Variants in CCNH observed in about 807,000 individuals in gnomAD.
The protein encoded by CCNH is cyclin H.
In CCNH, 31 loss-of-function variants were observed where a neutral mutation model predicts 41.9. That is an observed-to-expected ratio of 0.74 (90% CI 0.56 to 1.00). The LOEUF (loss-of-function observed/expected upper bound fraction) is 1.00, where lower values mean the gene tolerates loss of function less well. Ranked by LOEUF, CCNH falls within the 50% of genes least tolerant of loss-of-function variation. The probability of loss-of-function intolerance (pLI) is 0.00; values close to 1 mark genes in which losing one functional copy is unlikely to be tolerated. For missense variants in CCNH, 362 were observed against 388.4 expected, an observed-to-expected ratio of 0.93 and a Z score of 0.57; for synonymous variants, 138 against 136.1, an observed-to-expected ratio of 1.01 and a Z score of -0.10.
chr5:87,355,960 A>C (rs940118621), intron 9 of CCNH, among the ~76,000 whole-genome samples: 1 of 152,098 alleles, frequency 6.6e-6, no homozygotes, highest in Non-Finnish European at 1.5e-5. Flanking sequence ...TGACTGAATT[A>C]CTCCACTTTT....
chr5:87,389,735 CTCT>C (rs1360967209), downstream of CCNH, among the ~76,000 whole-genome samples: 2 of 152,174 alleles, frequency 1.3e-5, no homozygotes, highest in Non-Finnish European at 2.9e-5. Flanking sequence ...TCAGGTTTTG[CTCT>C]TGAGTCTGAA....
At chr5:87,383,441 G>A (rs1761863603) in intron 9 of CCNH, among the ~76,000 whole-genome samples, 1 of 152,090 alleles carries the variant, frequency 6.6e-6, no homozygotes, top group Non-Finnish European at 1.5e-5. Flanking sequence ...AAATACTACA[G>A]ATAAACAACA....
At chr5:87,370,614 C>A (rs1580372242) in intron 9 of CCNH, among the ~76,000 whole-genome samples, 1 of 152,162 alleles carries the variant, frequency 6.6e-6, no homozygotes. Flanking sequence ...TGAGTAAGAT[C>A]GAGACACTGT....
downstream of CCNH, chr5:87,390,764 T>A: frequency 6.4e-7 from 1 of 1,556,770 alleles, no homozygotes. Context: ...CTGACCGAGC[T>A]TTCATTTATT....
intron 9 of CCNH, among the ~76,000 whole-genome samples, chr5:87,366,108 AT>A (rs1760493911): frequency 6.6e-6 from 1 of 152,172 alleles, no homozygotes; most frequent in East Asian, 1.9e-4. Context: ...CATTTTGCAG[AT>A]TTACTGAAGA....
chr5:87,348,823 T>C (rs990244204), intron 9 of CCNH, among the ~76,000 whole-genome samples: 5 of 152,096 alleles, frequency 3.3e-5, no homozygotes, highest in African/African-American at 1.2e-4. Context: ...TTAAGCAAAC[T>C]GGTCTTCACT....
chr5:87,409,262 A>C (rs758939578), intron 3 of CCNH, 28 bp downstream of exon 3: 1 of 1,278,080 alleles, frequency 7.8e-7, no homozygotes, highest in Non-Finnish European at 1.1e-6. Context: ...TCTTAAATGA[A>C]AACAATATAT....
At chr5:87,361,731 A>G (rs1760109124) in intron 9 of CCNH, among the ~76,000 whole-genome samples, 1 of 152,184 alleles carries the variant, frequency 6.6e-6, no homozygotes, top group South Asian at 2.1e-4. Context: ...AAATTAGGCA[A>G]TCAAAACCAC....
chr5:87,340,406 A>G (rs1758348918), intron 9 of CCNH, among the ~76,000 whole-genome samples: 1 of 151,904 alleles, frequency 6.6e-6, no homozygotes, highest in South Asian at 2.1e-4. Flanking sequence ...TGATAATGCT[A>G]TTCATTTTTA....
chr5:87,373,913 T>C (rs1387359651), downstream of CCNH, among the ~76,000 whole-genome samples: 1 of 151,992 alleles, frequency 6.6e-6, no homozygotes, highest in Non-Finnish European at 1.5e-5. Flanking sequence ...TCCAGGAATA[T>C]ACTGGGAGAA....
rs115449312 is a variant in CCNH at position 87,399,393 on chromosome 5, C to T, written c.872+1G>A. On this transcript the variant is annotated splice_donor_variant, in intron 7 of 8. Transcript: ENST00000256897. LOFTEE classifies it high-confidence loss of function. The stretch of plus-strand genomic sequence containing the variant: ...TGATTAACACTGTCACATTAACTTA[C>T]GTGATTACGTTAAGTGCAAGCTCAG... The T allele has an allele frequency of 4.6e-5, 73 of 1,597,298 alleles. No homozygotes were observed. In the African/African-American group the frequency reaches 7.4e-4, roughly 16 times the overall value.
chr5:87,372,347 A>T, downstream of CCNH: 3 of 690,190 alleles, frequency 4.3e-6, no homozygotes, highest in Non-Finnish European at 7.6e-6. Flanking sequence ...TTACTTCTTT[A>T]TGAAAGAGAA....
rs778714787 is a variant in CCNH, at chr5:87,408,049, A to G, written c.452T>C (p.Ile151Thr). The change falls in exon 4 of 9, where the codon ATA becomes ACA. Residue 151 changes from isoleucine to threonine, a missense_variant. Ile to Thr is a moderately conservative substitution (Grantham distance 89, BLOSUM62 -1). Transcript: ENST00000256897. ...EQILEYELLL[I>T]QQLNFHLIVH... ...AATAAGGTGGAAATTAAGTTGCTGT[A>G]TAAGAAGTAGTTCATATTCCAGTAT... 4.3e-6 allele frequency: 7 copies of G among 1,613,846 alleles called. No homozygotes were observed. The highest frequency in any genetic ancestry group is 2.2e-5 in the East Asian group (1 of 44,880).
At chr5:87,381,236 G>A (rs1761694497), upstream of CCNH, among the ~76,000 whole-genome samples, 1 of 152,164 alleles carries the variant, frequency 6.6e-6, no homozygotes, top group Non-Finnish European at 1.5e-5. Context: ...GTCTGGAGAG[G>A]TTAAGTTGAA....
downstream of CCNH, chr5:87,393,935 G>A (rs1399939591): frequency 1.3e-5 from 2 of 151,958 alleles, no homozygotes; most frequent in Admixed American, 6.6e-5. Flanking sequence ...AAATGTTTTC[G>A]GGTAACTAAA....
intron 3 of CCNH, 64 bp from the exon 4 acceptor site, chr5:87,408,250 T>A: frequency 2.7e-6 from 2 of 739,874 alleles, no homozygotes; most frequent in Non-Finnish European, 4.4e-6. Context: ...ATGCATATAC[T>A]TTGAGAAGTA....
At chr5:87,327,998 A>C (rs893612238) in intron 9 of CCNH, among the ~76,000 whole-genome samples, 1 of 151,604 alleles carries the variant, frequency 6.6e-6, no homozygotes, top group Non-Finnish European at 1.5e-5. Flanking sequence ...AGAACTTCCT[A>C]TGTGGACGTT....
chr5:87,398,962 G>T (rs1254505822), intron 7 of CCNH, among the ~76,000 whole-genome samples: 6 of 149,386 alleles, frequency 4.0e-5, no homozygotes, highest in Non-Finnish European at 5.9e-5. Flanking sequence ...AATAGAGCGA[G>T]ACTCCATCTC....
chr5:87,343,703 G>T (rs921916833), intron 9 of CCNH, among the ~76,000 whole-genome samples: 3 of 152,088 alleles, frequency 2.0e-5, no homozygotes, highest in African/African-American at 7.2e-5. Context: ...ATATGATCCG[G>T]CAATCCCACT....
Sources: gnomAD v4.1 joint callset for allele counts (sites outside exome capture counted in the v4.1 genomes callset) on GRCh38, gnomAD v4.1.1 for gene constraint, MANE v1.5 for transcripts, NCBI Gene and HGNC (gene_info 2026-07-23, HGNC 2026-07-21) for gene names.